Variants in RALYL observed in about 807,000 individuals in gnomAD.
RALYL encodes the protein RNA-binding Raly-like protein.
RALYL carries 29 observed loss-of-function variants against 35.1 expected under a neutral mutation model. The observed-to-expected ratio is 0.83, with a 90% confidence interval of 0.61 to 1.13. RALYL has a LOEUF of 1.13. RALYL is among the 50% of genes most tolerant of loss of function. The pLI, the probability that RALYL is intolerant of heterozygous loss-of-function variation, is 0.00. For missense variants in RALYL, 359 were observed against 360.4 expected, an observed-to-expected ratio of 1.00 and a Z score of 0.03; for synonymous variants, 120 against 127.6, an observed-to-expected ratio of 0.94 and a Z score of 0.40.
intron 3 of RALYL, among the ~76,000 whole-genome samples, chr8:84,793,310 A>G (rs1349103813): frequency 6.6e-6 from 1 of 152,208 alleles, no homozygotes; most frequent in Admixed American, 6.5e-5. Flanking sequence ...GGAGGAAGCA[A>G]CTAGTGAGGT....
At chr8:84,200,303 C>T (rs1466466166) in intron 1 of RALYL, among the ~76,000 whole-genome samples, 1 of 152,066 alleles carries the variant, frequency 6.6e-6, no homozygotes, top group Non-Finnish European at 1.5e-5. Context: ...CAGTGATGAT[C>T]AGTGGACTCC....
intron 1 of RALYL, among the ~76,000 whole-genome samples, chr8:84,396,170 A>G: frequency 6.6e-6 from 1 of 152,094 alleles, no homozygotes; most frequent in East Asian, 1.9e-4. Flanking sequence ...ATGCATCCAG[A>G]TTAGGTCCTA....
chr8:84,540,579 GT>G (rs1210213741), intron 2 of RALYL, among the ~76,000 whole-genome samples: 7 of 149,928 alleles, frequency 4.7e-5, no homozygotes, highest in Admixed American at 6.6e-5. Context: ...TGTCTTGTGT[GT>G]TTTTTTTTAA....
chr8:84,694,095 GGAAGTCCTAGCCAAAGCAATTGGGTAA>G (rs1838646161), intron 2 of RALYL, among the ~76,000 whole-genome samples: 2 of 151,832 alleles, frequency 1.3e-5, no homozygotes, highest in African/African-American at 4.8e-5. Flanking sequence ...ACATAGCACT[GGAAGTCCTAGCCAAAGCAATTGGGTAA>G]GACAAAGAAA....
At chr8:84,869,408 CAAAT>C (rs1396701964) in intron 6 of RALYL, among the ~76,000 whole-genome samples, 2 of 149,482 alleles carry the variant, frequency 1.3e-5, no homozygotes, top group African/African-American at 2.4e-5. Flanking sequence ...AAATAAATAA[CAAAT>C]TAATGTGATT....
chr8:84,802,853 C>T (rs1214725753), intron 3 of RALYL, among the ~76,000 whole-genome samples: 1 of 152,038 alleles, frequency 6.6e-6, no homozygotes, highest in East Asian at 1.9e-4. Flanking sequence ...TTCGGAGAGA[C>T]TAACTAGGCT....
chr8:84,532,134 G>A (rs1241509522), intron 2 of RALYL, among the ~76,000 whole-genome samples: 1 of 151,960 alleles, frequency 6.6e-6, no homozygotes, highest in Non-Finnish European at 1.5e-5. Flanking sequence ...CTCTGTCCAA[G>A]CTGAATGACT....
intron 4 of RALYL, among the ~76,000 whole-genome samples, chr8:84,845,136 T>C (rs893562434): frequency 3.9e-5 from 6 of 152,074 alleles, no homozygotes; most frequent in Non-Finnish European, 8.8e-5. Context: ...TTAAAAAAAA[T>C]AAAAAATTTA....
intron 1 of RALYL, among the ~76,000 whole-genome samples, chr8:84,325,061 C>T (rs1210603759): frequency 6.6e-6 from 1 of 152,060 alleles, no homozygotes; most frequent in Non-Finnish European, 1.5e-5. Flanking sequence ...GATTGTTGTA[C>T]TAGTAGAAAA....
At chr8:84,703,877 C>A (rs1234060749) in intron 2 of RALYL, among the ~76,000 whole-genome samples, 5 of 152,090 alleles carry the variant, frequency 3.3e-5, no homozygotes, top group Non-Finnish European at 7.4e-5. Flanking sequence ...GGCTTTGTTC[C>A]TGTGAATTTA....
rs988339846 is a variant in RALYL, at chr8:84,573,445, A to G, written c.256+43868A>G. Among the ~76,000 whole-genome samples the G allele has an allele frequency of 2.0e-5, 3 of 151,950 alleles. No individual in the cohort carries two copies. The East Asian group carries it at 5.8e-4, about 29-fold the overall frequency. ...GGTAATCTTTGCTCCTATGTACAAA[A>G]TATGTATTTTCTCCTCTGACTACTT... On this transcript the variant is annotated intron_variant, in intron 2 of 8. Coordinates refer to ENST00000521268, the MANE Select transcript of RALYL (RefSeq NM_173848.7).
chr8:84,601,938 C>T (rs1472760640), intron 2 of RALYL, among the ~76,000 whole-genome samples: 1 of 152,138 alleles, frequency 6.6e-6, no homozygotes, highest in Non-Finnish European at 1.5e-5. Context: ...TGGTTAGTCA[C>T]ACTTTATTTT....
intron 1 of RALYL, among the ~76,000 whole-genome samples, chr8:84,276,646 A>T (rs1835440624): frequency 6.6e-6 from 1 of 152,184 alleles, no homozygotes; most frequent in Non-Finnish European, 1.5e-5. Context: ...TTGTGTCCTT[A>T]TAAGCAGATA....
At chr8:84,393,259 C>A (rs1861105047) in intron 1 of RALYL, among the ~76,000 whole-genome samples, 1 of 152,012 alleles carries the variant, frequency 6.6e-6, no homozygotes, top group African/African-American at 2.4e-5. Context: ...CCCACGCTCA[C>A]TTACATAGTC....
intron 2 of RALYL, among the ~76,000 whole-genome samples, chr8:84,610,331 T>C (rs571377692): frequency 1.3e-5 from 2 of 152,196 alleles, no homozygotes; most frequent in South Asian, 4.1e-4. Flanking sequence ...AGGTGTTTTG[T>C]AAGATTCTTT....
chr8:84,355,718 G>A (rs1030355889), intron 1 of RALYL, among the ~76,000 whole-genome samples: 4 of 150,042 alleles, frequency 2.7e-5, no homozygotes, highest in African/African-American at 7.4e-5. Flanking sequence ...GGATGGAAGT[G>A]GAAAGTGAGA....
At chr8:84,286,032 AG>A (rs1207179302) in intron 1 of RALYL, among the ~76,000 whole-genome samples, 6 of 152,156 alleles carry the variant, frequency 3.9e-5, no homozygotes, top group African/African-American at 1.4e-4. Flanking sequence ...GTGACAGCAG[AG>A]GGTGGTGACA....
chr8:84,714,236 G>T (rs148568357), intron 2 of RALYL, among the ~76,000 whole-genome samples: 3 of 151,824 alleles, frequency 2.0e-5, no homozygotes, highest in East Asian at 1.9e-4. Context: ...TAGAATGGGG[G>T]TTACCAGAGG....
intron 8 of RALYL, among the ~76,000 whole-genome samples, chr8:84,914,419 C>A (rs116684490): frequency 1.3e-5 from 2 of 151,924 alleles, no homozygotes; most frequent in East Asian, 3.9e-4. Context: ...CTACTATAAT[C>A]TATCAATGCA....
Sources: gnomAD v4.1 joint callset for allele counts (sites outside exome capture counted in the v4.1 genomes callset) on GRCh38, gnomAD v4.1.1 for gene constraint, MANE v1.5 for transcripts, NCBI Gene and HGNC (gene_info 2026-07-23, HGNC 2026-07-21) for gene names.